KIF27: variants seen among roughly 807,000 people sequenced by gnomAD.
KIF27 encodes kinesin family member 27, also known as kinesin-like protein KIF27.
In KIF27, 84 loss-of-function variants were observed where a neutral mutation model predicts 141.8. That is an observed-to-expected ratio of 0.59 (90% CI 0.50 to 0.71). The LOEUF (loss-of-function observed/expected upper bound fraction) is 0.71, where lower values mean the gene tolerates loss of function less well. KIF27 is among the 30% of genes least tolerant of loss of function. KIF27 has a pLI of 0.00. For missense variants in KIF27, 1,306 were observed against 1,628.4 expected, an observed-to-expected ratio of 0.80 and a Z score of 3.41; for synonymous variants, 471 against 569.5, an observed-to-expected ratio of 0.83 and a Z score of 2.46.
intron 5 of KIF27, among the ~76,000 whole-genome samples, chr9:83,899,131 A>G (rs1020994152): frequency 2.6e-5 from 4 of 152,196 alleles, no homozygotes; most frequent in Non-Finnish European, 5.9e-5. Flanking sequence ...GATATTAACT[A>G]TTTGGGGTGA....
intron 16 of KIF27, among the ~76,000 whole-genome samples, chr9:83,845,497 G>A (rs1025328520): frequency 2.6e-5 from 4 of 152,206 alleles, no homozygotes; most frequent in Admixed American, 1.3e-4. Flanking sequence ...AGCCTGCACC[G>A]ATGGCCTCAT....
intron 10 of KIF27, among the ~76,000 whole-genome samples, chr9:83,881,410 A>C (rs112219130): frequency 0.012 from 1,774 of 152,334 alleles, 39 homozygotes; most frequent in African/African-American, 0.04. Context: ...TTTTGGCAAT[A>C]AAGTGTTAGC....
At chr9:83,891,013 T>G (rs1952623200) in intron 6 of KIF27, among the ~76,000 whole-genome samples, 1 of 152,208 alleles carries the variant, frequency 6.6e-6, no homozygotes, top group South Asian at 2.1e-4. Flanking sequence ...ATGTAGATAT[T>G]AAACTTGGTC....
intron 17 of KIF27, among the ~76,000 whole-genome samples, chr9:83,841,560 AATT>A (rs1286765696): frequency 6.6e-6 from 1 of 152,234 alleles, no homozygotes; most frequent in African/African-American, 2.4e-5. Flanking sequence ...AAGTTATTAG[AATT>A]ATTAGAAATT....
chr9:83,858,812 G>A (rs1270372227), intron 14 of KIF27: 2 of 284,530 alleles, frequency 7.0e-6, no homozygotes, highest in African/African-American at 2.2e-5. Flanking sequence ...AGAAAAGTCA[G>A]GTGCCCTCCA....
chr9:83,860,822 T>C (rs2780157), intron 13 of KIF27, among the ~76,000 whole-genome samples: 172 of 152,230 alleles, frequency 1.1e-3, no homozygotes, highest in African/African-American at 4.0e-3. Flanking sequence ...TTTCATAGTT[T>C]GTGCCCTTAT....
chr9:83,873,408 T>C (rs559266269), intron 11 of KIF27, among the ~76,000 whole-genome samples: 2 of 152,166 alleles, frequency 1.3e-5, no homozygotes, highest in Non-Finnish European at 2.9e-5. Context: ...CTGAGAAGTA[T>C]TTAAAGGAAG....
intron 1 of KIF27, among the ~76,000 whole-genome samples, chr9:83,917,900 A>T (rs1955852773): frequency 6.6e-6 from 1 of 152,208 alleles, no homozygotes; most frequent in African/African-American, 2.4e-5. Flanking sequence ...TTTCTCAGAT[A>T]TGACACCAAA....
In KIF27 at chr9:83,903,265, G is replaced by T. The variant is rs192546948; in HGVS notation, c.1253C>A (p.Ala418Asp). 4 of 1,614,120 alleles carry T rather than the reference G, an allele frequency of 2.5e-6. No homozygotes were observed. The highest frequency in any genetic ancestry group is 1.7e-5 in the Admixed American group (1 of 60,006). Residue 418 changes from alanine to aspartate, a missense_variant, in exon 4 of 18, where the codon GCC becomes GAC. By Grantham distance (126) the Ala-to-Asp change is moderately radical. Around this residue, in one of 4 missense-constraint regions of KIF27, gnomAD observed 533 missense variants for 565.6 expected, o/e 0.94. Coordinates refer to ENST00000297814, the MANE Select transcript of KIF27 (RefSeq NM_017576.4). ...TTTTAGGTCAACCAGGAAGGTAAAG[G>T]CTTCTTCTACACAACACTGGTAACC... ...CLGYQCCVEE[A>D]FTFLVDLKDT...
intron 5 of KIF27, among the ~76,000 whole-genome samples, chr9:83,897,482 G>A (rs940235358): frequency 1.3e-5 from 2 of 152,108 alleles, no homozygotes; most frequent in African/African-American, 4.8e-5. Flanking sequence ...GGACTATACA[G>A]CTAAATGTGG....
At position 83,853,652 on chromosome 9, in the gene KIF27, T is replaced by C. The variant is rs759556164; in HGVS notation, c.3334A>G (p.Ile1112Val). 3.8e-5 allele frequency: 62 copies of C among 1,613,414 alleles called. No individual in the cohort carries two copies. The highest frequency in any genetic ancestry group is 4.8e-5 in the Non-Finnish European group (57 of 1,179,570). ...ACCTTATTGAAATATCTGAAAAGAATAGTTCTAATCTCAACAGGACTCAGG... is the reference window on the plus strand; with the variant it reads ...ACCTTATTGAAATATCTGAAAAGAACAGTTCTAATCTCAACAGGACTCAGG... ...ACLSPVEIRT[I>V]LFRYFNKVVN... Residue 1112 changes from isoleucine to valine, a missense_variant, in exon 15 of 18, where the codon ATT becomes GTT. Around this residue, in one of 4 missense-constraint regions of KIF27, gnomAD observed 596 missense variants for 751.6 expected, o/e 0.79. Transcript: ENST00000297814.
intron 1 of KIF27, among the ~76,000 whole-genome samples, chr9:83,919,815 T>C (rs150865708): frequency 6.6e-6 from 1 of 152,116 alleles, no homozygotes; most frequent in East Asian, 1.9e-4. Flanking sequence ...GGATCCCTCC[T>C]GAAAACAAAA....
At chr9:83,916,674 T>G (rs1401850703) in intron 1 of KIF27, among the ~76,000 whole-genome samples, 1 of 150,686 alleles carries the variant, frequency 6.6e-6, no homozygotes, top group African/African-American at 2.4e-5. Flanking sequence ...TTTTTTTTTT[T>G]TTTTTTTGAG....
rs754337057 is a variant in KIF27 at position 83,903,526 on chromosome 9, G to C, written c.992C>G (p.Ser331Cys). 1 of 1,614,098 alleles carries C rather than the reference G, an allele frequency of 6.2e-7. No individual in the cohort carries two copies. Among genetic ancestry groups the C allele is most frequent in the East Asian group, 2.2e-5 (1 of 44,884 alleles). Residue 331 changes from serine to cysteine, a missense_variant, in exon 4 of 18, where the codon TCT (serine) becomes TGT (cysteine). By Grantham distance (112) the Ser-to-Cys change is moderately radical. Around this residue, in one of 4 missense-constraint regions of KIF27, gnomAD observed 533 missense variants for 565.6 expected, o/e 0.94. Transcript: ENST00000297814. ...CCGTGCTCTGTTGGCATATTTGAGA[G>C]AATTTAAGGACTCATCAAAATTCGA... Reference protein sequence around the residue: ...SSSNFDESLNSLKYANRARNI... With the variant: ...SSSNFDESLNCLKYANRARNI...
Position 83,837,013 on chromosome 9 carries a change from G to A in KIF27, c.4194C>T (p.Asp1398=), listed in dbSNP as rs751337279. Residue 1398 remains aspartate, a synonymous_variant, in exon 18 of 18, where the codon GAC becomes GAT. Coordinates refer to ENST00000297814, the MANE Select transcript of KIF27 (RefSeq NM_017576.4). ...DSIEVSRKPR[D]LKT ...TATTATTCAATGTCTAAGTTTTTAA[G>A]TCCCTTGGTTTCCTAGATACTTCGA... 9 of 1,613,710 alleles carry A rather than the reference G, an allele frequency of 5.6e-6. No individual in the cohort carries two copies. Among genetic ancestry groups the A allele is most frequent in the Non-Finnish European group, 1.7e-6 (2 of 1,179,858 alleles).
intron 6 of KIF27, among the ~76,000 whole-genome samples, chr9:83,890,238 C>A (rs961894034): frequency 5.3e-5 from 8 of 152,070 alleles, no homozygotes; most frequent in African/African-American, 1.9e-4. Context: ...GATTTTTGTG[C>A]TTCTGCTGTC....
Position 83,873,234 on chromosome 9 carries a change from G to C in KIF27, c.2644-2602C>G, listed in dbSNP as rs149660261. On this transcript the variant is annotated intron_variant, in intron 11 of 17. Coordinates refer to ENST00000297814, the MANE Select transcript of KIF27 (RefSeq NM_017576.4). ...GGGGCCAGCAGATTAGGCAGGGTAAGGTGGACAAGGGAGCACAATTTCCAG... is the reference window on the plus strand; with the variant it reads ...GGGGCCAGCAGATTAGGCAGGGTAACGTGGACAAGGGAGCACAATTTCCAG... Among the ~76,000 whole-genome samples the C allele has an allele frequency of 3.1e-3, 470 of 152,284 alleles. 8 individuals are homozygous for C. Among genetic ancestry groups the C allele is most frequent in the African/African-American group, 0.011 (448 of 41,548 alleles).
chr9:83,896,278 G>C (rs576703285), intron 5 of KIF27, among the ~76,000 whole-genome samples: 1 of 152,014 alleles, frequency 6.6e-6, no homozygotes, highest in Non-Finnish European at 1.5e-5. Flanking sequence ...CTTCCAAAAA[G>C]TTTGGATCTT....
At position 83,903,972 on chromosome 9, in the gene KIF27, C is replaced by G. The variant is rs1398673599; in HGVS notation, c.546G>C (p.Val182=). The G allele has an allele frequency of 1.2e-6, 2 of 1,613,942 alleles. No homozygotes were observed. Among genetic ancestry groups the G allele is most frequent in the Admixed American group, 3.3e-5 (2 of 60,018 alleles). ...CATTCCCCATCTCCAAAAGACTCAT[C>G]ACTTCACCTGCACTCTCCACATGGC... ...KECHVESAGE[V]MSLLEMGNAA... is the part of the protein sequence containing the mutation. The change falls in exon 4 of 18, where the codon GTG becomes GTC. Residue 182 remains valine, a synonymous_variant. Coordinates refer to ENST00000297814, the MANE Select transcript of KIF27 (RefSeq NM_017576.4).
Sources: allele counts gnomAD v4.1 joint callset (sites outside exome capture counted in the v4.1 genomes callset), GRCh38; gene constraint gnomAD v4.1.1; regional missense constraint gnomAD v4.1.1; transcripts MANE v1.5; gene names NCBI Gene and HGNC (gene_info 2026-07-23, HGNC 2026-07-21).